AQR: variants seen among roughly 807,000 people sequenced by gnomAD.
AQR encodes the protein aquarius intron-binding spliceosomal factor.
AQR carries 61 observed loss-of-function variants against 180.5 expected under a neutral mutation model. That is an observed-to-expected ratio of 0.34 (90% CI 0.28 to 0.42). The LOEUF (loss-of-function observed/expected upper bound fraction) is 0.42, where lower values mean the gene tolerates loss of function less well. AQR is among the 10% of genes least tolerant of loss of function. The pLI is 1.00. For synonymous variants in AQR, 551 were observed against 588.8 expected, an observed-to-expected ratio of 0.94 and a Z score of 0.93; for missense variants, 1,281 against 1,798.3, an observed-to-expected ratio of 0.71 and a Z score of 5.20.
intron 18 of AQR, 46 bp downstream of exon 18, chr15:34,906,499 T>C: frequency 6.4e-7 from 1 of 1,563,700 alleles, no homozygotes; most frequent in Non-Finnish European, 8.7e-7. Context: ...GCAAAGAAAT[T>C]TATCATTCTA....
At position 34,853,900 on chromosome 15, in the gene AQR, G is replaced by A. The variant is rs1296175370; in HGVS notation, c.*2892C>T. The A allele has an allele frequency of 1.3e-5, 2 of 152,152 alleles. No homozygotes were observed. Among genetic ancestry groups the A allele is most frequent in the African/African-American group, 4.8e-5 (2 of 41,438 alleles). 9.4% of individuals were successfully genotyped at this position (152,152 alleles called of 1,614,324 possible). On this transcript the variant is annotated 3_prime_UTR_variant, in exon 35 of 35. Transcript: ENST00000156471. ...ATAAGCAAATTAGGTACAACTCTGA[G>A]CCAGGTCTCGATGAGTCCAAAGTGT... is the stretch of plus-strand genomic sequence containing the variant.
At chr15:34,961,939 A>G (rs2050281907) in intron 2 of AQR, among the ~76,000 whole-genome samples, 1 of 152,136 alleles carries the variant, frequency 6.6e-6, no homozygotes, top group African/African-American at 2.4e-5. Flanking sequence ...TAGTGCTAGC[A>G]TTAATAATAG....
chr15:34,871,472 A>G (rs919469061), intron 30 of AQR, among the ~76,000 whole-genome samples: 1 of 148,484 alleles, frequency 6.7e-6, no homozygotes, highest in Non-Finnish European at 1.5e-5. Context: ...GTGCCTCTGC[A>G]CTCCAGCCTG....
intron 14 of AQR, 107 bp downstream of exon 14, chr15:34,920,225 G>A: frequency 2.9e-6 from 2 of 697,778 alleles, no homozygotes; most frequent in Non-Finnish European, 4.7e-6. Context: ...GGAATTATCT[G>A]CCTAATCTTT....
At chr15:34,888,229 C>G (rs1893091559) in intron 24 of AQR, among the ~76,000 whole-genome samples, 1 of 151,604 alleles carries the variant, frequency 6.6e-6, no homozygotes, top group African/African-American at 2.4e-5. Flanking sequence ...ACCCAGGAGA[C>G]AGAGTTTACA....
At chr15:34,948,637 T>C (rs1485231417) in intron 4 of AQR, among the ~76,000 whole-genome samples, 1 of 151,706 alleles carries the variant, frequency 6.6e-6, no homozygotes, top group Non-Finnish European at 1.5e-5. Flanking sequence ...CCATCTCTAC[T>C]AAAAATACAA....
chr15:34,948,807 A>G (rs959453523), intron 4 of AQR, among the ~76,000 whole-genome samples: 38 of 152,028 alleles, frequency 2.5e-4, no homozygotes, highest in African/African-American at 8.7e-4. Flanking sequence ...AAAAAAAAAA[A>G]AAAAAACTTG....
In AQR at chr15:34,948,337, G is replaced by A; in HGVS notation, c.257C>T (p.Ser86Phe). 1.2e-6 allele frequency: 2 copies of A among 1,613,354 alleles called. No homozygotes were observed. Among genetic ancestry groups the A allele is most frequent in the Non-Finnish European group, 8.5e-7 (1 of 1,179,950 alleles). The change falls in exon 5 of 35, where the codon TCT becomes TTT. Residue 86 changes from serine to phenylalanine, a missense_variant. Physicochemically the swap from Ser to Phe is radical, Grantham distance 155. Transcript: ENST00000156471. Reference sequence around the variant, plus strand: ...GATTGACATTAAATAGGCCTTGCTAGATACCTCAGGAGAATAATTCATCCA... The same window carrying A: ...GATTGACATTAAATAGGCCTTGCTAAATACCTCAGGAGAATAATTCATCCA... ...YLWMNYSPEV[S>F]SKAYLMSICC...
intron 1 of AQR, among the ~76,000 whole-genome samples, chr15:34,968,409 T>C (rs376324769): frequency 0.087 from 7,755 of 89,058 alleles, 280 homozygotes; most frequent in Middle Eastern, 0.15. Context: ...CCTGCCACCA[T>C]GCCCGGCTAA....
chr15:34,963,133 C>T (rs1007157918), intron 2 of AQR, among the ~76,000 whole-genome samples: 2 of 152,168 alleles, frequency 1.3e-5, no homozygotes, highest in Admixed American at 1.3e-4. Context: ...GTGTGAGCCA[C>T]TGCACAAGCC....
intron 23 of AQR, among the ~76,000 whole-genome samples, chr15:34,891,767 GTTTCT>G (rs1255654249): frequency 6.6e-6 from 1 of 151,982 alleles, no homozygotes; most frequent in East Asian, 1.9e-4. Flanking sequence ...TTCATAATTT[GTTTCT>G]TTTATCAAGA....
chr15:34,882,472 A>AAC (rs1306327389), intron 27 of AQR, 30 bp downstream of exon 27: 13 of 1,441,712 alleles, frequency 9.0e-6, no homozygotes, highest in Non-Finnish European at 1.1e-5. Context: ...TCTTAAAAAA[A>AAC]AAAAAAAAAA....
intron 12 of AQR, among the ~76,000 whole-genome samples, chr15:34,929,443 G>A (rs1159503796): frequency 2.0e-5 from 3 of 152,138 alleles, no homozygotes; most frequent in African/African-American, 7.2e-5. Flanking sequence ...TACTGAATAG[G>A]AGATCCTTTC....
At chr15:34,869,073 C>T (rs1892778715) in intron 31 of AQR, 1 of 152,038 alleles carries the variant, frequency 6.6e-6, no homozygotes, top group African/African-American at 2.4e-5. Context: ...CAAACTTTTC[C>T]AAAATTGTTA....
At chr15:34,944,958 T>C (rs183114530) in intron 5 of AQR, among the ~76,000 whole-genome samples, 1 of 152,350 alleles carries the variant, frequency 6.6e-6, no homozygotes, top group Admixed American at 6.5e-5. Context: ...TCTATACTAG[T>C]TGTTTTCATT....
intron 4 of AQR, among the ~76,000 whole-genome samples, chr15:34,948,743 G>A (rs1021112552): frequency 1.3e-5 from 2 of 150,330 alleles, no homozygotes; most frequent in African/African-American, 2.5e-5. Context: ...GATGCAGTGA[G>A]CTGAGATTGC....
chr15:34,954,434 T>C (rs1177664588), intron 3 of AQR, among the ~76,000 whole-genome samples: 1 of 152,072 alleles, frequency 6.6e-6, no homozygotes, highest in Non-Finnish European at 1.5e-5. Context: ...GCCTCTCAAG[T>C]AGCTGAGACT....
intron 2 of AQR, among the ~76,000 whole-genome samples, chr15:34,961,288 G>A (rs1054450543): frequency 1.3e-5 from 2 of 152,110 alleles, no homozygotes; most frequent in African/African-American, 2.4e-5. Flanking sequence ...TCATTTGAGT[G>A]AGGGTGGGCA....
intron 8 of AQR, among the ~76,000 whole-genome samples, chr15:34,939,966 T>A (rs1266575053): frequency 1.3e-5 from 2 of 152,150 alleles, no homozygotes; most frequent in African/African-American, 2.4e-5. Context: ...AGAACCTACA[T>A]CCTCAACTAC....
Sources: allele counts gnomAD v4.1 joint callset (sites outside exome capture counted in the v4.1 genomes callset), GRCh38; gene constraint gnomAD v4.1.1; transcripts MANE v1.5; gene names NCBI Gene and HGNC (gene_info 2026-07-23, HGNC 2026-07-21).